The following CDKN2B-AS1 variants were observed in gnomAD, a reference collection of about 807,000 sequenced individuals.
CDKN2B-AS1 encodes the protein CDKN2B antisense RNA 1 (non-protein coding).
At chr9:22,015,679 G>T (rs1303835147) in intron 1 of CDKN2B-AS1, among the ~76,000 whole-genome samples, 1 of 151,880 alleles carries the variant, frequency 6.6e-6, no homozygotes, top group Non-Finnish European at 1.5e-5. Context: ...GGGTACATGT[G>T]CACAATGTGC....
intron 4 of CDKN2B-AS1, among the ~76,000 whole-genome samples, chr9:22,082,445 T>A (rs1824731394): frequency 6.6e-6 from 1 of 152,236 alleles, no homozygotes; most frequent in Admixed American, 6.5e-5. Context: ...ATTAGGTAAC[T>A]TGCTCAAGAT....
chr9:22,004,460 C>T (rs912412948), intron 1 of CDKN2B-AS1: 6 of 232,368 alleles, frequency 2.6e-5, no homozygotes, highest in Admixed American at 1.1e-4. Flanking sequence ...GCAATTATTA[C>T]AAACATTGAG....
Position 21,997,850 on chromosome 9 carries a change from C to T in CDKN2B-AS1, n.29+2689C>T, listed in dbSNP as rs1820754914. ...AGTTGACATACCAAATTAACTGTCA[C>T]ATTATCCCGTCATGCCTGAGGGGTT... On this transcript the variant is annotated intron_variant and non_coding_transcript_variant, in intron 1 of 4. Transcript: ENST00000650946. This position sits in a 1 kb window ranked among gnomAD's most constrained non-coding sequence, Gnocchi z 4.8. 6.6e-6 allele frequency among the ~76,000 whole-genome samples: 1 copy of T among 152,138 alleles called. No individual in the cohort carries two copies. Among genetic ancestry groups the T allele is most frequent in the Non-Finnish European group, 1.5e-5 (1 of 68,032 alleles).
At chr9:22,092,752 G>T (rs192008667) in intron 4 of CDKN2B-AS1, among the ~76,000 whole-genome samples, 1 of 151,888 alleles carries the variant, frequency 6.6e-6, no homozygotes, top group Non-Finnish European at 1.5e-5. Flanking sequence ...TATCAATTTT[G>T]TTGATCTTTT....
At position 22,127,922 on chromosome 9, in the gene CDKN2B-AS1, C is replaced by A. The variant is rs1055567677; in HGVS notation, n.1258C>A. On this transcript the variant is annotated non_coding_transcript_exon_variant, in exon 5 of 5. Coordinates refer to ENST00000650946, the Ensembl canonical transcript of CDKN2B-AS1. ...GAAATAAGAGTGTGGGTTCCAGGGT[C>A]AGACAACTGGGTGCATAAAAAGGGT... Among the ~76,000 whole-genome samples the A allele has an allele frequency of 2.0e-5, 3 of 152,102 alleles. No individual in the cohort carries two copies. The South Asian group carries it at 6.2e-4, about 32-fold the overall frequency.
At chr9:22,109,886 T>C (rs1825760022) in intron 4 of CDKN2B-AS1, among the ~76,000 whole-genome samples, 1 of 152,164 alleles carries the variant, frequency 6.6e-6, no homozygotes, top group Non-Finnish European at 1.5e-5. Flanking sequence ...GCTCTCCCAA[T>C]GACCTCCCAT....
At chr9:22,103,754 C>T (rs986371414) in intron 4 of CDKN2B-AS1, among the ~76,000 whole-genome samples, 2 of 152,174 alleles carry the variant, frequency 1.3e-5, no homozygotes, top group Non-Finnish European at 2.9e-5. Flanking sequence ...TATTGTACTC[C>T]TTTAAAAAAT....
intron 1 of CDKN2B-AS1, among the ~76,000 whole-genome samples, chr9:22,007,296 T>C (rs897676126): frequency 2.0e-5 from 3 of 152,014 alleles, no homozygotes; most frequent in East Asian, 1.9e-4. Flanking sequence ...CTGGAAGAGG[T>C]TGCAGTGAGC....
At chr9:22,115,228 A>G (rs1384625929) in intron 4 of CDKN2B-AS1, among the ~76,000 whole-genome samples, 1 of 152,224 alleles carries the variant, frequency 6.6e-6, no homozygotes, top group African/African-American at 2.4e-5. Flanking sequence ...GAAGATTTAC[A>G]TTATGTTGTG....
At chr9:22,009,950 A>G (rs1049418965) in intron 1 of CDKN2B-AS1, among the ~76,000 whole-genome samples, 15 of 152,160 alleles carry the variant, frequency 9.9e-5, no homozygotes, top group Non-Finnish European at 1.8e-4. Context: ...GAAAAAAACT[A>G]GTTCGAGATT....
intron 1 of CDKN2B-AS1, among the ~76,000 whole-genome samples, chr9:22,016,363 C>T (rs972963786): frequency 1.3e-5 from 2 of 152,152 alleles, no homozygotes; most frequent in Non-Finnish European, 2.9e-5. Context: ...GTGAAAATGG[C>T]CATACTGCCC....
chr9:22,100,448 A>G (rs2131354832), intron 4 of CDKN2B-AS1, among the ~76,000 whole-genome samples: 1 of 152,240 alleles, frequency 6.6e-6, no homozygotes, highest in African/African-American at 2.4e-5. Context: ...CCTTAGGATA[A>G]TGTTTTCTGG....
Position 22,075,511 on chromosome 9 carries a change from A to G in CDKN2B-AS1, n.438+19124A>G, listed in dbSNP as rs548694700. 4.6e-5 allele frequency among the ~76,000 whole-genome samples: 7 copies of G among 152,346 alleles called. No homozygotes were observed. In the East Asian group the frequency reaches 1.2e-3, roughly 25 times the overall value. On this transcript the variant is annotated intron_variant and non_coding_transcript_variant, in intron 4 of 4. Coordinates refer to ENST00000650946, the Ensembl canonical transcript of CDKN2B-AS1. ...TGAACAGGAATTATCCTGTGGAGAA[A>G]AGTAGGAGAAGAATGACATATGCCA...
At chr9:22,046,859 T>C (rs990114963) in exon 2 of CDKN2B-AS1, 1 of 152,222 alleles carries the variant, frequency 6.6e-6, no homozygotes, top group South Asian at 2.1e-4. Flanking sequence ...GCTTAAAGAA[T>C]TGAAAAACAC....
intron 4 of CDKN2B-AS1, among the ~76,000 whole-genome samples, chr9:22,121,261 G>A (rs1357329504): frequency 6.6e-6 from 1 of 152,010 alleles, no homozygotes; most frequent in African/African-American, 2.4e-5. Flanking sequence ...ATTGATAATG[G>A]CAAGGGTGAT....
At chr9:22,068,430 A>T (rs1326163722) in intron 4 of CDKN2B-AS1, among the ~76,000 whole-genome samples, 1 of 152,128 alleles carries the variant, frequency 6.6e-6, no homozygotes, top group Non-Finnish European at 1.5e-5. Flanking sequence ...ATAAGATTTG[A>T]TTAGGGGAAA....
intron 4 of CDKN2B-AS1, among the ~76,000 whole-genome samples, chr9:22,103,034 A>G (rs1329558132): frequency 6.6e-6 from 1 of 152,138 alleles, no homozygotes; most frequent in Admixed American, 6.5e-5. Context: ...AATAACCAGG[A>G]GTACAAACAA....
Position 21,997,484 on chromosome 9 carries a change from A to G in CDKN2B-AS1, n.29+2323A>G, listed in dbSNP as rs893154795. 1.6e-4 allele frequency among the ~76,000 whole-genome samples: 24 copies of G among 150,560 alleles called. 1 individual carries two copies. The highest frequency in any genetic ancestry group is 4.4e-4 in the African/African-American group (18 of 40,662). ...GGGGGAGAGAAAGAGAGGGAGGGAG[A>G]GAGAGAGAGAGAGAGAGAGAAAGAG... On this transcript the variant is annotated intron_variant and non_coding_transcript_variant, in intron 1 of 4. Coordinates refer to ENST00000650946, the Ensembl canonical transcript of CDKN2B-AS1. The surrounding 1 kb of genome is among the most constrained non-coding windows in gnomAD (Gnocchi z 4.8).
rs1320849295 is a variant in CDKN2B-AS1 at position 22,052,260 on chromosome 9, C to T, written n.302+3032C>T. ...TTCAATGTCTGACTCATTAAGTGTT[C>T]TATATACAAAGCCCTACATGGTCCC... On this transcript the variant is annotated intron_variant and non_coding_transcript_variant, in intron 3 of 4. Transcript: ENST00000650946. 6.6e-5 allele frequency among the ~76,000 whole-genome samples: 10 copies of T among 152,178 alleles called. No homozygotes were observed. The East Asian group carries it at 1.9e-3, about 29-fold the overall frequency.
Sources: gnomAD v4.1 joint callset for allele counts (sites outside exome capture counted in the v4.1 genomes callset) on GRCh38, gnomAD v4.1.1 for gene constraint, Gnocchi (gnomAD v3.1) non-coding constraint, MANE v1.5 for transcripts, NCBI Gene and HGNC (gene_info 2026-07-23, HGNC 2026-07-21) for gene names.